FLII: variants seen among roughly 807,000 people sequenced by gnomAD.
FLII encodes the protein FLII actin remodeling protein.
A neutral mutation model predicts 156.2 loss-of-function variants in FLII; 101 were observed. That is an observed-to-expected ratio of 0.65 (90% CI 0.55 to 0.76). FLII has a LOEUF of 0.76. Among genes scored for constraint, FLII ranks in the 30% least tolerant of loss-of-function variants. FLII has a pLI of 0.00. For missense variants in FLII, 1,675 were observed against 1,682.8 expected (o/e 1.00, Z 0.08); for synonymous variants, 767 against 685.8 (o/e 1.12, Z -1.85).
rs931120045 is a variant in FLII, at chr17:18,257,028, A to G, written c.64-9T>C. On this transcript the variant is annotated splice_polypyrimidine_tract_variant and intron_variant, in intron 1 of 29. Coordinates refer to ENST00000327031, the MANE Select transcript of FLII (RefSeq NM_002018.4). ...TCAGGGAAGTAGCCGCCCTGGGGGA[A>G]GGATGTCAAGGTGAAGCACAGAGCC... 7.0e-6 allele frequency: 11 copies of G among 1,577,626 alleles called. No individual in the cohort carries two copies. In the African/African-American group the frequency reaches 1.3e-4, roughly 19 times the overall value.
At position 18,246,040 on chromosome 17, in the gene FLII, T is replaced by C. The variant is rs1420537222; in HGVS notation, c.3290A>G (p.Asn1097Ser). 1.9e-6 allele frequency: 3 copies of C among 1,614,112 alleles called. No individual in the cohort carries two copies. The highest frequency in any genetic ancestry group is 1.1e-5 in the South Asian group (1 of 91,082). Residue 1097 changes from asparagine to serine, a missense_variant, in exon 26 of 30, where the codon AAC becomes AGC. Physicochemically the swap from Asn to Ser is conservative, Grantham distance 46. Transcript: ENST00000327031. Reference sequence around the variant, plus strand: ...CACCCAGGCATACACGATGCCCTGGTTGTCCTCACTCTCAAAGGGAACCTG... The same window carrying C: ...CACCCAGGCATACACGATGCCCTGGCTGTCCTCACTCTCAAAGGGAACCTG... ...ILKVPFESED[N>S]QGIVYAWVGR...
At position 18,248,808 on chromosome 17, in the gene FLII, G is replaced by A; in HGVS notation, c.2010C>T (p.Thr670=). The A allele has an allele frequency of 6.2e-7, 1 of 1,613,986 alleles. No individual in the cohort carries two copies. ...RGAQATLSST[T]KARLFAEKIN... ...CCACGGTGTCCTTGTACCTGGCCTT[G>A]GTGGTGCTGCTCAGTGTGGCCTGGG... Residue 670 remains threonine (T), a synonymous_variant, in exon 17 of 30, where the codon ACC becomes ACT. Transcript: ENST00000327031.
rs2048292543 is a variant in FLII, at chr17:18,252,149, G to A, written c.1099-3C>T. 3.1e-6 allele frequency: 5 copies of A among 1,612,780 alleles called. No individual in the cohort carries two copies. The highest frequency in any genetic ancestry group is 4.2e-6 in the Non-Finnish European group (5 of 1,179,674). ...GGGTTCTCCCGCACATCCAGGACCT[G>A]CCCCATAGGGTGAGCAGAGCCGGCA... On this transcript the variant is annotated splice_region_variant and splice_polypyrimidine_tract_variant and intron_variant, in intron 10 of 29. Coordinates refer to ENST00000327031, the MANE Select transcript of FLII (RefSeq NM_002018.4).
At chr17:18,246,526 C>G in intron 23 of FLII, 64 bp from the exon 24 acceptor site, 1 of 1,612,086 alleles carries the variant, frequency 6.2e-7, no homozygotes, top group East Asian at 2.2e-5. Flanking sequence ...GGAGCCTAAC[C>G]TTCGCTGGGT....
At position 18,247,340 on chromosome 17, in the gene FLII, G is replaced by A. The variant is rs780765490; in HGVS notation, c.2505C>T (p.Phe835=). 6.2e-7 allele frequency: 1 copy of A among 1,605,034 alleles called. No homozygotes were observed. Among genetic ancestry groups the A allele is most frequent in the East Asian group, 2.2e-5 (1 of 44,720 alleles). Residue 835 remains phenylalanine, a synonymous_variant, in exon 21 of 30, where the codon TTC becomes TTT. Transcript: ENST00000327031. ...CCGTCAACACATCGTCCCAATTCTTGAACTTGGCCTTGAACACCTGCCAGG... is the reference window on the plus strand; with the variant it reads ...CCGTCAACACATCGTCCCAATTCTTAAACTTGGCCTTGAACACCTGCCAGG... ...GTEAQVFKAK[F]KNWDDVLTVD...
Position 18,253,572 on chromosome 17 carries a change from A to C in FLII, c.827T>G (p.Leu276Arg), listed in dbSNP as rs963045473. ...DQWVHVETLN[L>R]SRNQLTSLPS... Reference sequence around the variant, plus strand: ...CAGTGAGGTGAGCTGATTTCGGGACAGGTTCAGAGTTTCCACGTGCACCCA... The same window carrying C: ...CAGTGAGGTGAGCTGATTTCGGGACCGGTTCAGAGTTTCCACGTGCACCCA... The change falls in exon 8 of 30, where the codon CTG (leucine) becomes CGG (arginine). Residue 276 changes from leucine (L) to arginine (R), a missense_variant. Physicochemically the swap from Leu to Arg is moderately radical, Grantham distance 102. Transcript: ENST00000327031. 1 of 1,613,246 alleles carries C rather than the reference A, an allele frequency of 6.2e-7. No homozygotes were observed. Among genetic ancestry groups the C allele is most frequent in the African/African-American group, 1.3e-5 (1 of 74,924 alleles).
rs756743334 is a variant in FLII, at chr17:18,254,598, C to G, written c.498G>C (p.Leu166=). The stretch of plus-strand genomic sequence containing the variant: ...GCACCAGGCGGCGCATCTGCGGGGG[C>G]AGGCTCTCCAGGCGGTTCTCGCTGA... ...LDLSENRLES[L]PPQMRRLVHL... The change falls in exon 6 of 30, where the codon CTG becomes CTC. Residue 166 remains leucine, a synonymous_variant. Transcript: ENST00000327031. 1 of 1,613,864 alleles carries G rather than the reference C, an allele frequency of 6.2e-7. No individual in the cohort carries two copies.
chr17:18,255,415 G>T (rs1161012417), intron 3 of FLII, 152 bp from the exon 4 acceptor site: 4 of 645,428 alleles, frequency 6.2e-6, no homozygotes, highest in African/African-American at 5.5e-5. Flanking sequence ...TCCCTCTCCT[G>T]GAGCGCTCTT....
In FLII at chr17:18,255,162, G is replaced by C. The variant is rs759130455; in HGVS notation, c.327+21C>G. Reference sequence around the variant, plus strand: ...AATGGTCCGGCTAGCACAGGGGCCAGGTGAGTGGGTAGCCACTGACCAGGA... The same window carrying C: ...AATGGTCCGGCTAGCACAGGGGCCACGTGAGTGGGTAGCCACTGACCAGGA... On this transcript the variant is annotated intron_variant, in intron 4 of 29. Transcript: ENST00000327031. The C allele has an allele frequency of 2.5e-6, 4 of 1,587,376 alleles. No homozygotes were observed. In the Admixed American group the frequency reaches 6.7e-5, roughly 26 times the overall value.
At chr17:18,257,882 CCTCT>C (rs373070145) in intron 1 of FLII, among the ~76,000 whole-genome samples, 10 of 152,240 alleles carry the variant, frequency 6.6e-5, no homozygotes, top group Non-Finnish European at 2.9e-5. Context: ...GCTCTCCCTC[CCTCT>C]CTTTCTCTGC....
At position 18,253,689 on chromosome 17, in the gene FLII, C is replaced by G; in HGVS notation, c.710G>C (p.Arg237Pro). 6.2e-7 allele frequency: 1 copy of G among 1,613,054 alleles called. No individual in the cohort carries two copies. Among genetic ancestry groups the G allele is most frequent in the Non-Finnish European group, 8.5e-7 (1 of 1,179,858 alleles). ...DVDLSCNDLT[R>P]VPECLYTLPS... ...GAGGGTGTACAGACACTCGGGCACC[C>G]GTGTCAGGTCATTGCAGGACAGATC... Residue 237 changes from arginine to proline, a missense_variant, in exon 8 of 30, where the codon CGG (arginine) becomes CCG (proline). By Grantham distance (103) the Arg-to-Pro change is moderately radical. This residue lies in a region of FLII where 343 missense variants were observed against 413.5 expected (regional missense o/e 0.83). Coordinates refer to ENST00000327031, the MANE Select transcript of FLII (RefSeq NM_002018.4).
intron 16 of FLII, 78 bp downstream of exon 16, chr17:18,249,049 A>G: frequency 6.9e-7 from 1 of 1,442,118 alleles, no homozygotes; most frequent in Non-Finnish European, 9.7e-7. Flanking sequence ...CTCCTCTTCT[A>G]AGAGGCCCAC....
At chr17:18,246,568 C>G (rs77114693) in intron 23 of FLII, 26 bp downstream of exon 23, 1 of 1,612,860 alleles carries the variant, frequency 6.2e-7, no homozygotes, top group East Asian at 2.2e-5. Context: ...CGCCTGGCCT[C>G]GGGCTCGCGG....
At position 18,246,769 on chromosome 17, in the gene FLII, G is replaced by A; in HGVS notation, c.2876C>T (p.Ala959Val). The change falls in exon 23 of 30, where the codon GCC (alanine) becomes GTC (valine). Residue 959 changes from alanine to valine, a missense_variant. Transcript: ENST00000327031. ...TGCTTCCTCGCCTTCTTTGCCCTCGGCCTTCTCCTCCTTGTCTTCCTTCTT... is the reference window on the plus strand; with the variant it reads ...TGCTTCCTCGCCTTCTTTGCCCTCGACCTTCTCCTCCTTGTCTTCCTTCTT... ...EEKKEDKEEK[A>V]EGKEGEEATA... 1.9e-6 allele frequency: 3 copies of A among 1,613,948 alleles called. No homozygotes were observed. Among genetic ancestry groups the A allele is most frequent in the Non-Finnish European group, 1.7e-6 (2 of 1,179,928 alleles).
Position 18,252,007 on chromosome 17 carries a change from G to A in FLII, c.1238C>T (p.Ala413Val), listed in dbSNP as rs1483185224. Reference protein sequence around the residue: ...AGASPATVAAAAAAGSGPKDP... With the variant: ...AGASPATVAAVAAAGSGPKDP... ...GACCTTTCCCCACTCACCAGCTGCA[G>A]CTGCAGCCACGGTAGCAGGAGAGGC... Residue 413 changes from alanine (A) to valine (V), a missense_variant, in exon 11 of 30, where the codon GCT becomes GTT. Physicochemically the swap from Ala to Val is moderately conservative, Grantham distance 64 (BLOSUM62 0). Coordinates refer to ENST00000327031, the MANE Select transcript of FLII (RefSeq NM_002018.4). The A allele has an allele frequency of 9.3e-6, 15 of 1,612,740 alleles. No homozygotes were observed. Among genetic ancestry groups the A allele is most frequent in the Non-Finnish European group, 1.3e-5 (15 of 1,179,678 alleles).
In FLII at chr17:18,253,312, T is replaced by C; in HGVS notation, c.1002A>G (p.Glu334=). 3 of 1,613,844 alleles carry C rather than the reference T, an allele frequency of 1.9e-6. No homozygotes were observed. The South Asian group carries it at 3.3e-5, about 18-fold the overall frequency. ...GCCCTGCCCAGCACCTGCAGAGACT[T>C]TCAGGGACCAGCTCCAGGTTGTTGT... ...AANNNLELVP[E]SLCRCPKLRK... The change falls in exon 9 of 30, where the codon GAA becomes GAG. Residue 334 remains glutamate (E), a synonymous_variant. Coordinates refer to ENST00000327031, the MANE Select transcript of FLII (RefSeq NM_002018.4).
Position 18,252,888 on chromosome 17 carries a change from T to G in FLII, c.1014-332A>C, listed in dbSNP as rs2048312261. On this transcript the variant is annotated intron_variant, in intron 9 of 29. Coordinates refer to ENST00000327031, the MANE Select transcript of FLII (RefSeq NM_002018.4). ...AAAGGTGAGTTAACTGGGCCGGGCG[T>G]GGTGGCTCACACCTGTAATCCCAGC... is the stretch of plus-strand genomic sequence containing the variant. Among the ~76,000 whole-genome samples, 3 of 152,134 alleles carry G rather than the reference T, an allele frequency of 2.0e-5. No individual in the cohort carries two copies. The South Asian group carries it at 6.2e-4, about 32-fold the overall frequency.
intron 25 of FLII, 21 bp from the exon 26 acceptor site, chr17:18,246,083 G>C (rs1296621765): frequency 1.2e-6 from 2 of 1,613,936 alleles, no homozygotes; most frequent in Non-Finnish European, 1.7e-6. Context: ...TGCAGGGGTG[G>C]GGGTGTTCGC....
chr17:18,246,161 C>T lies in FLII; in HGVS notation c.3267+1G>A, dbSNP rs948940005. ...GTCCTGGCTCACACCCACAACCCCACCTTGAGGATGAAGCAGAACTCGGAG... is the reference window on the plus strand; with the variant it reads ...GTCCTGGCTCACACCCACAACCCCATCTTGAGGATGAAGCAGAACTCGGAG... On this transcript the variant is annotated splice_donor_variant, in intron 25 of 29. Transcript: ENST00000327031. LOFTEE classifies it high-confidence loss of function. 1.2e-6 allele frequency: 2 copies of T among 1,614,172 alleles called. No homozygotes were observed. The highest frequency in any genetic ancestry group is 1.7e-6 in the Non-Finnish European group (2 of 1,180,036).
Sources: gnomAD v4.1 joint callset for allele counts (sites outside exome capture counted in the v4.1 genomes callset) on GRCh38, gnomAD v4.1.1 for gene constraint, gnomAD v4.1.1 regional missense constraint, MANE v1.5 for transcripts, NCBI Gene and HGNC (gene_info 2026-07-23, HGNC 2026-07-21) for gene names.